Variants in COL22A1 observed in about 807,000 individuals in gnomAD.
COL22A1 encodes collagen alpha-1(XXII) chain.
Under a neutral mutation model 248.9 loss-of-function variants are expected in COL22A1, and 221 were observed. The ratio of observed to expected loss-of-function variants is 0.89; its 90% confidence interval spans 0.80 to 0.99. The LOEUF is 0.99. Among genes scored for constraint, COL22A1 ranks in the 50% least tolerant of loss-of-function variants. The pLI, the probability that COL22A1 is intolerant of heterozygous loss-of-function variation, is 0.00. For synonymous variants in COL22A1, 891 were observed against 793.4 expected (o/e 1.12, Z -2.07); for missense variants, 2,240 against 2,179.0 (o/e 1.03, Z -0.56).
intron 49 of COL22A1, among the ~76,000 whole-genome samples, chr8:138,633,482 G>A (rs1752600293): frequency 6.6e-6 from 1 of 152,172 alleles, no homozygotes; most frequent in African/African-American, 2.4e-5. Context: ...CATGTTATGG[G>A]GTTTGGAACT....
chr8:138,589,251 C>G lies in COL22A1; in HGVS notation c.*2G>C. ...TGCAGTCTTCTGGCTTTCCAGAGTC[C>G]TTTAGGGACCCTTCACATTACCCGG... On this transcript the variant is annotated 3_prime_UTR_variant, in exon 65 of 65. Transcript: ENST00000303045. 1 of 1,613,456 alleles carries G rather than the reference C, an allele frequency of 6.2e-7. No individual in the cohort carries two copies. The highest frequency in any genetic ancestry group is 8.5e-7 in the Non-Finnish European group (1 of 1,179,738).
intron 16 of COL22A1, among the ~76,000 whole-genome samples, chr8:138,767,873 A>G (rs1834032905): frequency 6.6e-6 from 1 of 152,230 alleles, no homozygotes; most frequent in Admixed American, 6.5e-5. Context: ...TGATCAGCAC[A>G]TTCAGTGTGG....
At chr8:138,810,766 C>G (rs1034898967) in intron 9 of COL22A1, among the ~76,000 whole-genome samples, 2 of 152,184 alleles carry the variant, frequency 1.3e-5, no homozygotes, top group African/African-American at 4.8e-5. Context: ...GGGAAGGAAG[C>G]CAGTCTGTCT....
intron 16 of COL22A1, 135 bp downstream of exon 16, chr8:138,775,831 T>C (rs1231398905): frequency 2.2e-5 from 19 of 865,402 alleles, no homozygotes; most frequent in Admixed American, 1.6e-4. Context: ...CAAATATACA[T>C]GTACACACAT....
In COL22A1 at chr8:138,728,364, CA is replaced by C. The variant is rs1830473832; in HGVS notation, c.2140-2925del. On this transcript the variant is annotated intron_variant, in intron 23 of 64. Transcript: ENST00000303045. ...GGTCTTTGAGGGCCTCATAGCACCCCAAGCCCACAGAGCATATCCGAAGGCC... is the reference window on the plus strand; with the variant it reads ...GGTCTTTGAGGGCCTCATAGCACCCCAGCCCACAGAGCATATCCGAAGGCC... Among the ~76,000 whole-genome samples the C allele has an allele frequency of 3.9e-5, 6 of 152,200 alleles. No homozygotes were observed. In the South Asian group the frequency reaches 1.2e-3, roughly 32 times the overall value.
intron 39 of COL22A1, among the ~76,000 whole-genome samples, chr8:138,681,000 T>G (rs1262666003): frequency 6.6e-6 from 1 of 151,324 alleles, no homozygotes; most frequent in Non-Finnish European, 1.5e-5. Flanking sequence ...CCGGGGGGGG[T>G]CTCAGCCTGC....
At chr8:138,594,374 AAAC>A (rs1032133568) in intron 62 of COL22A1, among the ~76,000 whole-genome samples, 175 bp from the exon 63 acceptor site, 101 of 152,298 alleles carry the variant, frequency 6.6e-4, no homozygotes, top group African/African-American at 2.2e-3. Context: ...ATAGCTGCAG[AAAC>A]AACATCAATG....
intron 41 of COL22A1, among the ~76,000 whole-genome samples, chr8:138,664,204 C>CGT (rs1443322284): frequency 6.6e-5 from 6 of 90,998 alleles, no homozygotes; most frequent in East Asian, 5.9e-4. Context: ...TGCGCGCGCG[C>CGT]GCGCGCACAC....
chr8:138,774,505 G>A (rs555611801), intron 16 of COL22A1, among the ~76,000 whole-genome samples: 46 of 144,264 alleles, frequency 3.2e-4, no homozygotes, highest in Non-Finnish European at 5.1e-4. Flanking sequence ...TGCAACCTCC[G>A]CCTCCCAGGT....
chr8:138,894,632 T>A (rs2076415363), intron 1 of COL22A1, among the ~76,000 whole-genome samples: 2 of 152,150 alleles, frequency 1.3e-5, no homozygotes, highest in Admixed American at 1.3e-4. Flanking sequence ...GCTGGAGATA[T>A]TCCTGGAAAA....
intron 56 of COL22A1, among the ~76,000 whole-genome samples, chr8:138,610,215 G>A (rs1050122945): frequency 2.6e-5 from 4 of 152,222 alleles, no homozygotes; most frequent in Admixed American, 6.5e-5. Context: ...AGGGTTTGGG[G>A]AGAAAATGAA....
At chr8:138,822,790 T>A (rs1360167579) in intron 6 of COL22A1, among the ~76,000 whole-genome samples, 1 of 152,130 alleles carries the variant, frequency 6.6e-6, no homozygotes, top group Non-Finnish European at 1.5e-5. Context: ...TCCCTGTGGC[T>A]CCTGAGTGGC....
chr8:138,802,892 T>C lies in COL22A1; in HGVS notation c.1537A>G (p.Lys513Glu). 1 of 1,613,916 alleles carries C rather than the reference T, an allele frequency of 6.2e-7. No individual in the cohort carries two copies. Residue 513 changes from lysine to glutamate, a missense_variant, in exon 11 of 65, where the codon AAG becomes GAG. Physicochemically the swap from Lys to Glu is moderately conservative, Grantham distance 56. Coordinates refer to ENST00000303045, the MANE Select transcript of COL22A1 (RefSeq NM_152888.3). ...CTCACCACATCACCTTTCTCTCCCT[T>C]AGGTCCAGGAGCGCCAACCGGCCCA... ...AIGPVGAPGPKGEKGDVGIGP... is the reference protein window; with the variant it reads ...AIGPVGAPGPEGEKGDVGIGP...
At chr8:138,837,042 G>A (rs1820492625) in intron 4 of COL22A1, among the ~76,000 whole-genome samples, 1 of 152,184 alleles carries the variant, frequency 6.6e-6, no homozygotes, top group Admixed American at 6.5e-5. Context: ...TCCGTAACTG[G>A]AAAAATGGAG....
chr8:138,820,651 GA>G (rs1369621851), intron 7 of COL22A1, among the ~76,000 whole-genome samples: 2 of 151,912 alleles, frequency 1.3e-5, no homozygotes, highest in Non-Finnish European at 2.9e-5. Flanking sequence ...AAGGAAGAAG[GA>G]AAAAATCTGT....
At chr8:138,773,203 C>T (rs1452955025) in intron 16 of COL22A1, among the ~76,000 whole-genome samples, 5 of 152,218 alleles carry the variant, frequency 3.3e-5, no homozygotes, top group African/African-American at 4.8e-5. Flanking sequence ...GCGGAACCAC[C>T]ACAGGCCCCT....
chr8:138,910,540 C>G (rs1048678498), intron 1 of COL22A1, among the ~76,000 whole-genome samples: 1 of 152,096 alleles, frequency 6.6e-6, no homozygotes. Context: ...GATAATGGCA[C>G]TTTTCCCATC....
chr8:138,754,303 G>A (rs896096075), intron 21 of COL22A1, among the ~76,000 whole-genome samples: 6 of 152,022 alleles, frequency 3.9e-5, no homozygotes, highest in African/African-American at 1.5e-4. Flanking sequence ...ACCTGGAGAG[G>A]TCACAGAGAC....
At chr8:138,867,270 AGGGTCTTCCC>A (rs1822971268) in intron 3 of COL22A1, among the ~76,000 whole-genome samples, 2 of 152,088 alleles carry the variant, frequency 1.3e-5, no homozygotes, top group Non-Finnish European at 2.9e-5. Context: ...TCGATCAGGG[AGGGTCTTCCC>A]TGCTGGAATG....
Sources: allele counts gnomAD v4.1 joint callset (sites outside exome capture counted in the v4.1 genomes callset), GRCh38; gene constraint gnomAD v4.1.1; transcripts MANE v1.5; gene names NCBI Gene and HGNC (gene_info 2026-07-23, HGNC 2026-07-21).